Variants in BMP7 observed in about 807,000 individuals in gnomAD.
BMP7 encodes osteogenic protein 1.
Under a neutral mutation model 41.2 loss-of-function variants are expected in BMP7, and 12 were observed. The observed-to-expected ratio is 0.29, with a 90% confidence interval of 0.19 to 0.47. BMP7 has a LOEUF of 0.47. Ranked by LOEUF, BMP7 falls within the 20% of genes least tolerant of loss-of-function variation. The pLI, the probability that BMP7 is intolerant of heterozygous loss-of-function variation, is 0.99. For missense variants in BMP7, 467 were observed against 606.0 expected, an observed-to-expected ratio of 0.77 and a Z score of 2.41; for synonymous variants, 248 against 250.0, an observed-to-expected ratio of 0.99 and a Z score of 0.07.
chr20:57,173,060 C>T (rs539219767), intron 6 of BMP7, 140 bp downstream of exon 6: 201 of 830,168 alleles, frequency 2.4e-4, no homozygotes, highest in African/African-American at 2.3e-3. Context: ...TTTTTTTTAA[C>T]GGCGCAAGGG....
intron 3 of BMP7, among the ~76,000 whole-genome samples, chr20:57,201,629 G>A (rs1216876190): frequency 2.6e-5 from 4 of 152,252 alleles, no homozygotes; most frequent in Admixed American, 2.6e-4. Context: ...CAAACATTGT[G>A]AAGGTGTTTA....
chr20:57,205,269 T>C (rs760563011), intron 2 of BMP7, among the ~76,000 whole-genome samples: 2 of 152,230 alleles, frequency 1.3e-5, no homozygotes, highest in African/African-American at 2.4e-5. Context: ...TAAGTTTACC[T>C]TTCACATCCA....
intron 1 of BMP7, among the ~76,000 whole-genome samples, chr20:57,249,630 G>C (rs1190914019): frequency 6.6e-6 from 1 of 152,168 alleles, no homozygotes; most frequent in Admixed American, 6.5e-5. Context: ...AAGGTACTCA[G>C]GGAAGTGTAT....
At chr20:57,252,350 G>A (rs2123143751) in intron 1 of BMP7, among the ~76,000 whole-genome samples, 1 of 152,324 alleles carries the variant, frequency 6.6e-6, no homozygotes. Context: ...AGGTCTCCCT[G>A]CTCCAAGCAG....
rs766687096 is a variant in BMP7 at position 57,170,939 on chromosome 20, G to A, written c.*20C>T. On this transcript the variant is annotated 3_prime_UTR_variant, in exon 7 of 7. Coordinates refer to ENST00000395863, the MANE Select transcript of BMP7 (RefSeq NM_001719.3). ...GATCCAGAAAAACTTGGCCCCAAAG[G>A]GTCTGAATTCTCGGAGGAGCTAGTG... The A allele has an allele frequency of 1.2e-6, 2 of 1,612,000 alleles. No individual in the cohort carries two copies. Among genetic ancestry groups the A allele is most frequent in the Non-Finnish European group, 1.7e-6 (2 of 1,179,716 alleles).
At chr20:57,231,568 G>A (rs2066029574) in intron 1 of BMP7, among the ~76,000 whole-genome samples, 1 of 152,194 alleles carries the variant, frequency 6.6e-6, no homozygotes, top group Non-Finnish European at 1.5e-5. Context: ...TTTTCTCCAG[G>A]GGACCAGGAG....
rs1167529051 is a variant in BMP7, at chr20:57,266,313, G to T, written c.-191C>A. Reference sequence around the variant, plus strand: ...GACCCCCGCCCCCTGCTCGGTGCTGGCCCCGGGCCCCTCGCCCCGCACTCG... The same window carrying T: ...GACCCCCGCCCCCTGCTCGGTGCTGTCCCCGGGCCCCTCGCCCCGCACTCG... On this transcript the variant is annotated 5_prime_UTR_variant, in exon 1 of 7. Coordinates refer to ENST00000395863, the MANE Select transcript of BMP7 (RefSeq NM_001719.3). 2 of 376,316 alleles carry T rather than the reference G, an allele frequency of 5.3e-6. No homozygotes were observed. Among genetic ancestry groups the T allele is most frequent in the East Asian group, 5.2e-5 (1 of 19,194 alleles). The allele number at this position is 376,316 out of a possible 1,614,324, so 23.3% of individuals were successfully genotyped here.
At chr20:57,187,696 C>G (rs543921400) in intron 3 of BMP7, among the ~76,000 whole-genome samples, 1 of 152,096 alleles carries the variant, frequency 6.6e-6, no homozygotes, top group Non-Finnish European at 1.5e-5. Flanking sequence ...GAACAGAGAC[C>G]GGGTCTCTCC....
At chr20:57,181,045 C>T (rs765749733) in intron 4 of BMP7, among the ~76,000 whole-genome samples, 11 of 152,206 alleles carry the variant, frequency 7.2e-5, no homozygotes, top group Non-Finnish European at 1.5e-4. Flanking sequence ...GGACCAACCG[C>T]AGGCCCCGGA....
chr20:57,223,473 AG>A (rs1985239245), intron 2 of BMP7, among the ~76,000 whole-genome samples: 1 of 152,168 alleles, frequency 6.6e-6, no homozygotes, highest in Non-Finnish European at 1.5e-5. Flanking sequence ...GACCCATCTG[AG>A]CCCCAGGTGA....
chr20:57,229,888 A>G (rs547400246), intron 1 of BMP7, among the ~76,000 whole-genome samples: 9 of 152,306 alleles, frequency 5.9e-5, no homozygotes, highest in Admixed American at 4.6e-4. Context: ...ATTAAAAACA[A>G]TCTGGTTTAA....
At chr20:57,206,573 G>T (rs969327341) in intron 2 of BMP7, among the ~76,000 whole-genome samples, 1 of 152,216 alleles carries the variant, frequency 6.6e-6, no homozygotes, top group Non-Finnish European at 1.5e-5. Context: ...TCACAGCGTT[G>T]TGTGGGGCAG....
intron 1 of BMP7, among the ~76,000 whole-genome samples, chr20:57,229,106 C>A (rs1478877489): frequency 6.6e-6 from 1 of 152,150 alleles, no homozygotes; most frequent in Non-Finnish European, 1.5e-5. Flanking sequence ...ATCTGAAGCG[C>A]CTGCTGACTA....
rs2066179051 is a variant in BMP7, at chr20:57,266,366, C to T, written c.-244G>A. ...CGGGCGCACCGCAGGGCTTGGAAAG[C>T]AGCCCCGGCGAACGAAAAGGCGAGT... On this transcript the variant is annotated 5_prime_UTR_variant, in exon 1 of 7. Coordinates refer to ENST00000395863, the MANE Select transcript of BMP7 (RefSeq NM_001719.3). The T allele has an allele frequency of 7.5e-6, 2 of 267,242 alleles. No homozygotes were observed. Among genetic ancestry groups the T allele is most frequent in the East Asian group, 7.9e-5 (1 of 12,696 alleles). The allele number at this position is 267,242 out of a possible 1,614,324, so 16.6% of individuals were successfully genotyped here.
intron 5 of BMP7, 88 bp from the exon 6 acceptor site, chr20:57,173,398 C>T (rs1983854237): frequency 3.1e-6 from 4 of 1,294,532 alleles, no homozygotes; most frequent in Non-Finnish European, 4.4e-6. Flanking sequence ...ACCACCACGC[C>T]AGGCTCACGA....
intron 4 of BMP7, chr20:57,177,919 TG>T (rs1983971365): frequency 6.6e-6 from 1 of 152,210 alleles, no homozygotes; most frequent in Non-Finnish European, 1.5e-5. Flanking sequence ...CTTCCTGGTG[TG>T]CAGGCATGAG....
At chr20:57,262,409 G>A (rs2066157759) in intron 1 of BMP7, among the ~76,000 whole-genome samples, 1 of 152,180 alleles carries the variant, frequency 6.6e-6, no homozygotes, top group Non-Finnish European at 1.5e-5. Flanking sequence ...GGTACAGGCT[G>A]GGCTTTGTCA....
chr20:57,216,549 C>CGAGGGGCTGCCTCCTGAGGGT (rs1568718165), intron 2 of BMP7, among the ~76,000 whole-genome samples: 45 of 142,894 alleles, frequency 3.1e-4, no homozygotes, highest in Non-Finnish European at 4.4e-4. Context: ...CTCCTGAGGG[C>CGAGGGGCTGCCTCCTGAGGGT]GAGGGGCTGT....
intron 2 of BMP7, 24 bp from the exon 3 acceptor site, chr20:57,202,647 G>C: frequency 6.2e-7 from 1 of 1,607,206 alleles, no homozygotes; most frequent in Non-Finnish European, 8.5e-7. Context: ...GGAGAGACAC[G>C]GGCTTCGCGT....
Sources: allele counts gnomAD v4.1 joint callset (sites outside exome capture counted in the v4.1 genomes callset), GRCh38; gene constraint gnomAD v4.1.1; transcripts MANE v1.5; gene names NCBI Gene and HGNC (gene_info 2026-07-23, HGNC 2026-07-21).